Variants in SCG5 observed in about 807,000 individuals in gnomAD.
SCG5 encodes secretogranin V, also known as neuroendocrine protein 7B2.
Under a neutral mutation model 25.7 loss-of-function variants are expected in SCG5, and 18 were observed. The ratio of observed to expected loss-of-function variants is 0.70; its 90% CI spans 0.48 to 1.04. SCG5 has a LOEUF of 1.04. Ranked by LOEUF, SCG5 falls within the 50% of genes least tolerant of loss-of-function variation. The probability of loss-of-function intolerance (pLI) is 0.00; values close to 1 mark genes in which losing one functional copy is unlikely to be tolerated. For synonymous variants in SCG5, 101 were observed against 91.7 expected (o/e 1.10, Z -0.58); for missense variants, 206 against 259.8 (o/e 0.79, Z 1.42).
At chr15:32,646,001 G>C (rs2053938868) in intron 2 of SCG5, among the ~76,000 whole-genome samples, 1 of 152,060 alleles carries the variant, frequency 6.6e-6, no homozygotes, top group African/African-American at 2.4e-5. Context: ...TGTATTTTTA[G>C]TAGAGATGGG....
chr15:32,649,036 G>A (rs554959253), intron 2 of SCG5, among the ~76,000 whole-genome samples: 4 of 152,122 alleles, frequency 2.6e-5, no homozygotes, highest in South Asian at 2.1e-4. Flanking sequence ...GATTACAGGC[G>A]TGAGCCGCCA....
intron 3 of SCG5, among the ~76,000 whole-genome samples, chr15:32,680,458 A>G (rs943658548): frequency 6.6e-6 from 1 of 151,644 alleles, no homozygotes. Context: ...TCGGCCTCCC[A>G]AAGTGCTGGG....
chr15:32,679,193 CTT>C (rs55644629), intron 2 of SCG5, among the ~76,000 whole-genome samples: 4 of 148,516 alleles, frequency 2.7e-5, no homozygotes, highest in Admixed American at 2.0e-4. Flanking sequence ...TTCCCATGCT[CTT>C]TTTTTTTTTC....
At chr15:32,668,072 A>C (rs1319709975) in intron 2 of SCG5, among the ~76,000 whole-genome samples, 4 of 152,214 alleles carry the variant, frequency 2.6e-5, no homozygotes, top group Non-Finnish European at 5.9e-5. Flanking sequence ...CCAGGAAAGC[A>C]TTACCAAAGG....
At chr15:32,676,366 T>C (rs1380224890) in intron 2 of SCG5, among the ~76,000 whole-genome samples, 1 of 152,224 alleles carries the variant, frequency 6.6e-6, no homozygotes, top group African/African-American at 2.4e-5. Flanking sequence ...GAGAAACTGT[T>C]TGCTTCCTTC....
intron 2 of SCG5, among the ~76,000 whole-genome samples, chr15:32,674,835 G>A (rs1057206385): frequency 6.6e-6 from 1 of 152,224 alleles, no homozygotes; most frequent in Non-Finnish European, 1.5e-5. Flanking sequence ...TGAGAATGCA[G>A]AGAAGAGCAG....
chr15:32,652,414 G>T (rs908066639), intron 2 of SCG5, among the ~76,000 whole-genome samples: 2 of 152,172 alleles, frequency 1.3e-5, no homozygotes, highest in African/African-American at 4.8e-5. Context: ...GCTGAGGACG[G>T]TTTCTGTTAA....
At chr15:32,672,125 G>C (rs2054436958) in intron 2 of SCG5, among the ~76,000 whole-genome samples, 1 of 152,260 alleles carries the variant, frequency 6.6e-6, no homozygotes, top group Non-Finnish European at 1.5e-5. Context: ...AGCATCTGCT[G>C]TTTGTGGTAA....
intron 5 of SCG5, 62 bp downstream of exon 5, chr15:32,691,825 A>ACAGG (rs1326050895): frequency 6.3e-7 from 1 of 1,588,320 alleles, no homozygotes; most frequent in South Asian, 1.1e-5. Flanking sequence ...GGGGCAGTGA[A>ACAGG]CAGGCTGAAA....
chr15:32,644,259 T>C (rs2053910273), intron 2 of SCG5, among the ~76,000 whole-genome samples: 2 of 152,186 alleles, frequency 1.3e-5, no homozygotes, highest in African/African-American at 4.8e-5. Context: ...TTTGAGTCAA[T>C]GCCAGCCAGT....
intron 3 of SCG5, among the ~76,000 whole-genome samples, chr15:32,680,194 C>CTTTT (rs10549438): frequency 1.5e-4 from 17 of 114,602 alleles, no homozygotes; most frequent in Non-Finnish European, 2.0e-4. Context: ...ACTTGCTACT[C>CTTTT]TTTTTTTTTT....
intron 2 of SCG5, among the ~76,000 whole-genome samples, chr15:32,674,789 G>A (rs560841336): frequency 3.7e-4 from 57 of 152,206 alleles, no homozygotes; most frequent in Non-Finnish European, 5.0e-4. Context: ...AAAGGGATAC[G>A]TACAGAAGGG....
intron 2 of SCG5, among the ~76,000 whole-genome samples, chr15:32,660,240 A>G (rs1399561495): frequency 2.0e-5 from 3 of 152,096 alleles, no homozygotes; most frequent in Non-Finnish European, 4.4e-5. Flanking sequence ...GGCGAGATGT[A>G]CCTGCAGGCA....
chr15:32,670,901 A>G (rs977513150), intron 2 of SCG5, among the ~76,000 whole-genome samples: 2 of 152,234 alleles, frequency 1.3e-5, no homozygotes, highest in East Asian at 1.9e-4. Context: ...GATCACCACA[A>G]TGAAAAATAT....
chr15:32,689,033 C>T (rs75555045), intron 4 of SCG5, among the ~76,000 whole-genome samples: 7,745 of 151,562 alleles, frequency 0.051, 255 homozygotes, highest in Non-Finnish European at 0.071. Flanking sequence ...TTCTGCTCCT[C>T]GTTCAACTTT....
chr15:32,669,628 G>A (rs2054383935), intron 2 of SCG5, among the ~76,000 whole-genome samples: 2 of 152,134 alleles, frequency 1.3e-5, no homozygotes, highest in African/African-American at 4.8e-5. Flanking sequence ...GCAAATAAAA[G>A]TTACATGAAG....
intron 2 of SCG5, among the ~76,000 whole-genome samples, chr15:32,659,629 G>GGCCAA (rs2054183819): frequency 6.6e-6 from 1 of 152,204 alleles, no homozygotes; most frequent in African/African-American, 2.4e-5. Context: ...AGCCAGGCCA[G>GGCCAA]GAGGCTAGCC....
intron 4 of SCG5, 59 bp from the exon 5 acceptor site, chr15:32,691,651 C>T: frequency 3.0e-6 from 4 of 1,345,838 alleles, no homozygotes; most frequent in Non-Finnish European, 4.1e-6. Context: ...TTAAAATAGA[C>T]ATTCACCAAA....
chr15:32,685,113 A>G lies in SCG5; in HGVS notation c.489+444A>G, dbSNP rs148507189. On this transcript the variant is annotated intron_variant, in intron 4 of 5. Transcript: ENST00000300175. The stretch of plus-strand genomic sequence containing the variant: ...AAGATGCCAGAGCTTAGAAACAGAT[A>G]TATATAATTCTGCTTTATAGAAAGA... Among the ~76,000 whole-genome samples, 349 of 152,354 alleles carry G rather than the reference A, an allele frequency of 2.3e-3. 3 individuals carry two copies. Among genetic ancestry groups the G allele is most frequent in the African/African-American group, 8.0e-3 (334 of 41,582 alleles).
Sources: allele counts gnomAD v4.1 joint callset (sites outside exome capture counted in the v4.1 genomes callset), GRCh38; gene constraint gnomAD v4.1.1; transcripts MANE v1.5; gene names NCBI Gene and HGNC (gene_info 2026-07-23, HGNC 2026-07-21).